Variants in LCOR observed in about 807,000 individuals in gnomAD.
LCOR encodes the protein ligand dependent nuclear receptor corepressor, also known as ligand-dependent corepressor.
LCOR carries 14 observed loss-of-function variants against 64.4 expected under a neutral mutation model. The observed-to-expected ratio is 0.22, with a 90% CI of 0.14 to 0.34. LCOR has a LOEUF of 0.34. Among genes scored for constraint, LCOR ranks in the 10% least tolerant of loss-of-function variants. LCOR has a pLI of 1.00. For synonymous variants in LCOR, 643 were observed against 642.5 expected (o/e 1.00, Z -0.01); for missense variants, 1,686 against 1,765.3 (o/e 0.96, Z 0.80).
chr10:96,873,917 A>G (rs1191742839), intron 2 of LCOR, among the ~76,000 whole-genome samples: 1 of 152,092 alleles, frequency 6.6e-6, no homozygotes, highest in Non-Finnish European at 1.5e-5. Context: ...AGCATCATGG[A>G]GTTTTTAGAA....
At chr10:96,919,283 C>T (rs1847007661) in intron 4 of LCOR, among the ~76,000 whole-genome samples, 1 of 152,192 alleles carries the variant, frequency 6.6e-6, no homozygotes, top group East Asian at 1.9e-4. Flanking sequence ...TTAATAGAGT[C>T]AGTATTTTCT....
chr10:96,955,008 G>A, intron 7 of LCOR: 1 of 1,614,042 alleles, frequency 6.2e-7, no homozygotes, highest in Non-Finnish European at 8.5e-7. Flanking sequence ...TGGTGATGGG[G>A]TACCTCCAAG....
At chr10:96,965,997 T>C (rs1228447527) in intron 7 of LCOR, among the ~76,000 whole-genome samples, 1 of 152,046 alleles carries the variant, frequency 6.6e-6, no homozygotes, top group Admixed American at 6.6e-5. Flanking sequence ...TATTCAGCTC[T>C]TCAGTTGTTA....
intron 2 of LCOR, among the ~76,000 whole-genome samples, chr10:96,859,998 C>T (rs768907276): frequency 1.3e-4 from 20 of 152,118 alleles, no homozygotes; most frequent in Non-Finnish European, 2.4e-4. Context: ...GACAAGTGCC[C>T]GCTTTTGGAG....
intron 7 of LCOR, among the ~76,000 whole-genome samples, chr10:96,972,015 A>G (rs1018285132): frequency 6.6e-6 from 1 of 152,130 alleles, no homozygotes; most frequent in Non-Finnish European, 1.5e-5. Flanking sequence ...CTCCAGCTGT[A>G]GCCTTGAGTG....
intron 2 of LCOR, among the ~76,000 whole-genome samples, chr10:96,900,971 C>T (rs560008579): frequency 1.3e-5 from 2 of 151,312 alleles, no homozygotes; most frequent in African/African-American, 4.9e-5. Context: ...GGGCGGATCA[C>T]GAGTTCAGGA....
At position 96,982,136 on chromosome 10, in the gene LCOR, T is replaced by C; in HGVS notation, c.1676T>C (p.Leu559Pro). The change falls in exon 8 of 8, where the codon CTT becomes CCT. Residue 559 changes from leucine (L) to proline (P), a missense_variant. This residue lies in a region of LCOR where 1,293 missense variants were observed against 1,410.4 expected (regional missense o/e 0.92). Coordinates refer to ENST00000421806, the MANE Select transcript of LCOR (RefSeq NM_001346516.2). Reference protein sequence around the residue: ...PAPRHTVDVQLPREDNPEEPS... With the variant: ...PAPRHTVDVQPPREDNPEEPS... ...CCTAGACATACAGTAGATGTGCAGC[T>C]TCCCAGAGAAGACAACCCTGAAGAA... 1 of 1,614,156 alleles carries C rather than the reference T, an allele frequency of 6.2e-7. No homozygotes were observed. The highest frequency in any genetic ancestry group is 8.5e-7 in the Non-Finnish European group (1 of 1,180,026).
rs146323858 is a variant in LCOR at position 96,856,351 on chromosome 10, G to A, written c.-330+22872G>A. The stretch of plus-strand genomic sequence containing the variant: ...GATGGGATTATAGGCATGAGCCACG[G>A]CGCCCAGCCCTAATGGGCATTTTAA... On this transcript the variant is annotated intron_variant, in intron 2 of 7. Transcript: ENST00000421806. 1.9e-4 allele frequency among the ~76,000 whole-genome samples: 29 copies of A among 152,178 alleles called. 1 individual carries two copies. The East Asian group carries it at 5.6e-3, about 30-fold the overall frequency.
At chr10:96,838,755 T>C (rs1316235072) in intron 2 of LCOR, among the ~76,000 whole-genome samples, 1 of 152,260 alleles carries the variant, frequency 6.6e-6, no homozygotes, top group African/African-American at 2.4e-5. Flanking sequence ...TTGTTTCCAC[T>C]TCGGGGCTAT....
At chr10:96,955,307 C>T in intron 7 of LCOR, 1 of 1,614,084 alleles carries the variant, frequency 6.2e-7, no homozygotes. Context: ...AAAACTCTGC[C>T]TTTCCAAAAA....
At chr10:96,838,886 G>A (rs930674214) in intron 2 of LCOR, among the ~76,000 whole-genome samples, 1 of 152,098 alleles carries the variant, frequency 6.6e-6, no homozygotes, top group South Asian at 2.1e-4. Context: ...TTTTAATTTC[G>A]TAGGAACTGC....
intron 2 of LCOR, among the ~76,000 whole-genome samples, chr10:96,891,210 CTT>C (rs991242589): frequency 6.6e-6 from 1 of 151,798 alleles, no homozygotes; most frequent in African/African-American, 2.4e-5. Flanking sequence ...TGTTATAGGT[CTT>C]TTCAGTTTTT....
intron 2 of LCOR, among the ~76,000 whole-genome samples, chr10:96,848,626 C>G (rs1358229909): frequency 6.6e-6 from 1 of 152,058 alleles, no homozygotes; most frequent in East Asian, 1.9e-4. Flanking sequence ...CCATTGCACT[C>G]CAGTCTGGGC....
intron 2 of LCOR, among the ~76,000 whole-genome samples, chr10:96,871,481 C>T (rs1245203168): frequency 6.6e-6 from 1 of 151,964 alleles, no homozygotes; most frequent in Non-Finnish European, 1.5e-5. Flanking sequence ...GGCACGATCT[C>T]GGCTCAGTGC....
intron 4 of LCOR, among the ~76,000 whole-genome samples, chr10:96,918,255 G>T (rs1009841127): frequency 2.6e-5 from 4 of 152,074 alleles, no homozygotes; most frequent in Non-Finnish European, 5.9e-5. Context: ...AATGACAGGG[G>T]GGATGGGTTG....
intron 7 of LCOR, chr10:96,957,448 G>A: frequency 1.0e-6 from 1 of 985,104 alleles, no homozygotes; most frequent in Non-Finnish European, 1.2e-6. Context: ...TTTTCATTGT[G>A]ATCAGATTAA....
chr10:96,915,236 A>G (rs146052553), intron 4 of LCOR, among the ~76,000 whole-genome samples: 3 of 152,266 alleles, frequency 2.0e-5, no homozygotes, highest in Non-Finnish European at 4.4e-5. Context: ...ATGTAAGTAA[A>G]TAAGCCGGGC....
At chr10:96,945,904 C>G (rs1286559580) in intron 5 of LCOR, among the ~76,000 whole-genome samples, 1 of 151,380 alleles carries the variant, frequency 6.6e-6, no homozygotes, top group Non-Finnish European at 1.5e-5. Context: ...GAATAACTTT[C>G]AAGTTTTTAT....
At chr10:96,938,768 C>T (rs867321592) in intron 4 of LCOR, among the ~76,000 whole-genome samples, 1 of 151,644 alleles carries the variant, frequency 6.6e-6, no homozygotes, top group Non-Finnish European at 1.5e-5. Context: ...AGTTTGAAAA[C>T]AGTTCTGTTT....
Sources: gnomAD v4.1 joint callset for allele counts (sites outside exome capture counted in the v4.1 genomes callset) on GRCh38, gnomAD v4.1.1 for gene constraint, gnomAD v4.1.1 regional missense constraint, MANE v1.5 for transcripts, NCBI Gene and HGNC (gene_info 2026-07-23, HGNC 2026-07-21) for gene names.